The following FGF17 variants were observed in gnomAD, a reference collection of about 807,000 sequenced individuals.
The protein encoded by FGF17 is fibroblast growth factor 17.
FGF17 carries 5 observed loss-of-function variants against 23.5 expected under a neutral mutation model. The observed-to-expected ratio is 0.21, with a 90% CI of 0.11 to 0.45. The LOEUF is 0.45. Among genes scored for constraint, FGF17 ranks in the 20% least tolerant of loss-of-function variants. FGF17 has a pLI of 0.99. For missense variants in FGF17, 221 were observed against 306.9 expected, an observed-to-expected ratio of 0.72 and a Z score of 2.09; for synonymous variants, 136 against 123.0, an observed-to-expected ratio of 1.11 and a Z score of -0.70.
In FGF17 at chr8:22,046,284, C is replaced by T; in HGVS notation, c.243C>T (p.Asn81=). 2 of 1,613,358 alleles carry T rather than the reference C, an allele frequency of 1.2e-6. No individual in the cohort carries two copies. The highest frequency in any genetic ancestry group is 1.7e-6 in the Non-Finnish European group (2 of 1,179,710). Residue 81 remains asparagine (N), a synonymous_variant, in exon 3 of 5, where the codon AAC becomes AAT. Coordinates refer to ENST00000359441, the MANE Select transcript of FGF17 (RefSeq NM_003867.4). The part of the protein sequence containing the change: ...RRISATAEDG[N]KFAKLIVETD... Reference sequence around the variant, plus strand: ...TCTCCGCCACCGCCGAGGACGGCAACAAGTTTGGTGAGAGTTGGCCCTCCC... The same window carrying T: ...TCTCCGCCACCGCCGAGGACGGCAATAAGTTTGGTGAGAGTTGGCCCTCCC...
intron 2 of FGF17, chr8:22,044,866 C>T (rs755691309): frequency 1.0e-6 from 1 of 985,346 alleles, no homozygotes; most frequent in Admixed American, 6.1e-5. Context: ...GAGAGAGTAG[C>T]CCCTAACAGA....
At chr8:22,045,781 C>T in intron 2 of FGF17, 1 of 1,241,156 alleles carries the variant, frequency 8.1e-7, no homozygotes, top group East Asian at 4.5e-5. Flanking sequence ...GCTGTGTGCC[C>T]CGTGCACCTC....
intron 2 of FGF17, chr8:22,045,637 G>T: frequency 9.4e-7 from 1 of 1,059,524 alleles, no homozygotes; most frequent in South Asian, 3.2e-5. Context: ...GCTGGGCAAG[G>T]GGTCTTTCAA....
At position 22,043,228 on chromosome 8, in the gene FGF17, C is replaced by A. The variant is rs372106895; in HGVS notation, c.72+47C>A. 11 of 1,595,842 alleles carry A rather than the reference C, an allele frequency of 6.9e-6. No homozygotes were observed. The African/African-American group carries it at 1.2e-4, about 17-fold the overall frequency. On this transcript the variant is annotated intron_variant, in intron 2 of 4. Transcript: ENST00000359441. ...CTTTCCCCCAATTTTTCCACCCTAC[C>A]TGACCAGGGCGGGTGCAAGGGACCG...
chr8:22,045,881 G>A lies in FGF17; in HGVS notation c.73-233G>A, dbSNP rs918651387. 3 of 1,428,220 alleles carry A rather than the reference G, an allele frequency of 2.1e-6. 1 individual carries two copies. The highest frequency in any genetic ancestry group is 5.2e-5 in the Admixed American group (2 of 38,456). The allele number at this position is 1,428,220 out of a possible 1,614,324, so 88.5% of individuals were successfully genotyped here. On this transcript the variant is annotated intron_variant, in intron 2 of 4. Coordinates refer to ENST00000359441, the MANE Select transcript of FGF17 (RefSeq NM_003867.4). ...CCAGGGCTGTGCTCTGTCAATAAGT[G>A]TCCCCCAGCCTGGGCAGACCCCAGT...
rs1205864507 is a variant in FGF17 at position 22,046,575 on chromosome 8, A to G, written c.299A>G (p.Lys100Arg). The G allele has an allele frequency of 3.1e-6, 5 of 1,613,992 alleles. No individual in the cohort carries two copies. Among genetic ancestry groups the G allele is most frequent in the Non-Finnish European group, 4.2e-6 (5 of 1,179,968 alleles). ...ACGTTTGGCAGCCGGGTTCGCATCAAAGGGGCTGAGAGTGAGAAGTACATC... is the reference window on the plus strand; with the variant it reads ...ACGTTTGGCAGCCGGGTTCGCATCAGAGGGGCTGAGAGTGAGAAGTACATC... Reference protein sequence around the residue: ...TDTFGSRVRIKGAESEKYICM... With the variant: ...TDTFGSRVRIRGAESEKYICM... The change falls in exon 4 of 5, where the codon AAA (lysine) becomes AGA (arginine). Residue 100 changes from lysine to arginine, a missense_variant. By Grantham distance (26) the Lys-to-Arg change is conservative (BLOSUM62 2). Transcript: ENST00000359441.
upstream of FGF17, among the ~76,000 whole-genome samples, chr8:22,041,440 C>T (rs186596093): frequency 1.3e-4 from 20 of 152,242 alleles, no homozygotes; most frequent in Admixed American, 7.2e-4. Context: ...ACCCTGGGGG[C>T]GCTGAGAACT....
Sources: allele counts gnomAD v4.1 joint callset (sites outside exome capture counted in the v4.1 genomes callset), GRCh38; gene constraint gnomAD v4.1.1; transcripts MANE v1.5; gene names NCBI Gene and HGNC (gene_info 2026-07-23, HGNC 2026-07-21).